The following FHIT variants were observed in gnomAD, a reference collection of about 807,000 sequenced individuals.
FHIT encodes bis(5'-adenosyl)-triphosphatase.
In FHIT, 19 loss-of-function variants were observed where a neutral mutation model predicts 17.9. That is an observed-to-expected ratio of 1.06 (90% CI 0.74 to 1.56). The LOEUF is 1.56. Ranked by LOEUF, FHIT falls within the 40% of genes most tolerant of loss-of-function variation. The pLI, the probability that FHIT is intolerant of heterozygous loss-of-function variation, is 0.00. For synonymous variants in FHIT, 81 were observed against 69.7 expected (o/e 1.16, Z -0.81); for missense variants, 248 against 189.2 (o/e 1.31, Z -1.82).
chr3:61,138,032 T>G (rs1190567161), intron 2 of FHIT, among the ~76,000 whole-genome samples: 1 of 152,216 alleles, frequency 6.6e-6, no homozygotes, highest in Non-Finnish European at 1.5e-5. Context: ...TATATGACCT[T>G]GGATAAATTA....
At position 59,978,560 on chromosome 3, in the gene FHIT, A is replaced by C. The variant is rs564453550; in HGVS notation, c.279+32811T>G. On this transcript the variant is annotated intron_variant, in intron 7 of 9. Transcript: ENST00000492590. ...AGTGGCCATCTCTTTACCTCTCAGC[A>C]TTTCTACTCTGTTATCTGAAACAAC... Among the ~76,000 whole-genome samples, 3 of 151,782 alleles carry C rather than the reference A, an allele frequency of 2.0e-5. No homozygotes were observed. The East Asian group carries it at 6.0e-4, about 30-fold the overall frequency.
chr3:60,759,068 G>C (rs1553719043), intron 4 of FHIT, among the ~76,000 whole-genome samples: 1 of 152,126 alleles, frequency 6.6e-6, no homozygotes, highest in African/African-American at 2.4e-5. Context: ...TAGAAGGCCA[G>C]TGCCACTGTA....
chr3:60,103,819 A>G (rs1704292930), intron 5 of FHIT, among the ~76,000 whole-genome samples: 1 of 152,196 alleles, frequency 6.6e-6, no homozygotes. Context: ...CTTCAGGAAT[A>G]TGTTTTCCTT....
At chr3:60,352,554 T>C (rs906360696) in intron 5 of FHIT, among the ~76,000 whole-genome samples, 6 of 152,164 alleles carry the variant, frequency 3.9e-5, no homozygotes, top group African/African-American at 1.4e-4. Flanking sequence ...CAGGCTAAAG[T>C]ACAGTGGTGC....
intron 5 of FHIT, among the ~76,000 whole-genome samples, chr3:60,163,040 G>T (rs903378310): frequency 6.6e-6 from 1 of 152,148 alleles, no homozygotes; most frequent in African/African-American, 2.4e-5. Flanking sequence ...CAGAGCTCTT[G>T]GTTTTGGATA....
intron 5 of FHIT, among the ~76,000 whole-genome samples, chr3:60,084,022 C>T (rs76199501): frequency 0.13 from 17,582 of 139,328 alleles, 1,194 homozygotes; most frequent in Middle Eastern, 0.32. Flanking sequence ...ATGACCACCA[C>T]ATATTAAGTG....
chr3:59,844,344 T>C (rs1287804656), intron 8 of FHIT, among the ~76,000 whole-genome samples: 3 of 152,172 alleles, frequency 2.0e-5, no homozygotes, highest in Admixed American at 2.0e-4. Context: ...ATACAAGTGG[T>C]GAAAATGGGC....
chr3:60,223,482 CTTTTATTTACTTA>C (rs67083113), intron 5 of FHIT, among the ~76,000 whole-genome samples: 23,110 of 151,914 alleles, frequency 0.15, 1,811 homozygotes, highest in Non-Finnish European at 0.17. Context: ...AATCCGAGAG[CTTTTATTTACTTA>C]TTTTATTTAC....
chr3:60,860,470 G>GTA (rs1407344453), intron 3 of FHIT, among the ~76,000 whole-genome samples: 1 of 86,578 alleles, frequency 1.2e-5, no homozygotes, highest in Non-Finnish European at 2.5e-5. Context: ...ACATATATAT[G>GTA]TATATATGAT....
At chr3:60,502,546 A>T (rs2034564998) in intron 5 of FHIT, among the ~76,000 whole-genome samples, 1 of 152,222 alleles carries the variant, frequency 6.6e-6, no homozygotes, top group East Asian at 1.9e-4. Context: ...TAGAGGACAG[A>T]GTGTCAGCAA....
rs79399379 is a variant in FHIT, at chr3:60,040,678, T to A, written c.104-26526A>T. Among the ~76,000 whole-genome samples the A allele has an allele frequency of 8.1e-3, 1,231 of 152,100 alleles. 13 individuals are homozygous for A. Among genetic ancestry groups the A allele is most frequent in the African/African-American group, 0.028 (1,171 of 41,458 alleles). On this transcript the variant is annotated intron_variant, in intron 5 of 9. Coordinates refer to ENST00000492590, the MANE Select transcript of FHIT (RefSeq NM_002012.4). ...GAGGCTAAGCCTGTATCATAAAGAT[T>A]TAGGACTAGGGGAGAGGAAGCGAAC...
chr3:59,959,753 GC>G (rs1165512308), intron 7 of FHIT, among the ~76,000 whole-genome samples: 7 of 152,282 alleles, frequency 4.6e-5, no homozygotes, highest in Middle Eastern at 3.4e-3. Context: ...ACATTACTGT[GC>G]AATCACAAAT....
intron 1 of FHIT, among the ~76,000 whole-genome samples, chr3:61,205,414 T>C (rs966395411): frequency 6.6e-6 from 1 of 152,194 alleles, no homozygotes; most frequent in South Asian, 2.1e-4. Flanking sequence ...TCCACAATGG[T>C]TGAACTAGTT....
At chr3:59,933,974 G>C (rs1364954736) in intron 7 of FHIT, among the ~76,000 whole-genome samples, 1 of 152,016 alleles carries the variant, frequency 6.6e-6, no homozygotes, top group Non-Finnish European at 1.5e-5. Flanking sequence ...CTCTGGGAGG[G>C]AAAAGAAATA....
chr3:60,363,351 G>A (rs766295129), intron 5 of FHIT, among the ~76,000 whole-genome samples: 3 of 152,018 alleles, frequency 2.0e-5, no homozygotes, highest in Non-Finnish European at 2.9e-5. Context: ...GTAGCAACAC[G>A]GAAAACTGCT....
chr3:60,766,229 T>C (rs1299792973), intron 4 of FHIT, among the ~76,000 whole-genome samples: 1 of 152,220 alleles, frequency 6.6e-6, no homozygotes, highest in Non-Finnish European at 1.5e-5. Flanking sequence ...AGATGTCTAT[T>C]CTTAATGCAT....
chr3:60,148,221 A>AT lies in FHIT; in HGVS notation c.104-134070dup, dbSNP rs1438065188. ...GGCAGTTATTTCCTCAGTGTTATAC[A>AT]TTACACATATCAATAAACCCTAGAG... On this transcript the variant is annotated intron_variant, in intron 5 of 9. Transcript: ENST00000492590. 1.3e-4 allele frequency among the ~76,000 whole-genome samples: 20 copies of AT among 152,338 alleles called. No homozygotes were observed. The South Asian group carries it at 1.9e-3, about 14-fold the overall frequency.
chr3:60,585,765 C>A (rs373213229), intron 4 of FHIT, among the ~76,000 whole-genome samples: 1 of 151,990 alleles, frequency 6.6e-6, no homozygotes, highest in African/African-American at 2.4e-5. Flanking sequence ...ACCTAGGACC[C>A]TTTCATTGTC....
rs188882595 is a variant in FHIT at position 60,101,011 on chromosome 3, C to G, written c.104-86859G>C. 1.6e-3 allele frequency among the ~76,000 whole-genome samples: 249 copies of G among 152,290 alleles called. 1 individual carries two copies. Among genetic ancestry groups the G allele is most frequent in the African/African-American group, 5.7e-3 (236 of 41,550 alleles). On this transcript the variant is annotated intron_variant, in intron 5 of 9. Coordinates refer to ENST00000492590, the MANE Select transcript of FHIT (RefSeq NM_002012.4). The stretch of plus-strand genomic sequence containing the variant: ...GTTGACTCTATTTCTGAAATAGAGT[C>G]TGAATATGTACACTTCTTTCTGTCT...
Sources: gnomAD v4.1 joint callset for allele counts (sites outside exome capture counted in the v4.1 genomes callset) on GRCh38, gnomAD v4.1.1 for gene constraint, MANE v1.5 for transcripts, NCBI Gene and HGNC (gene_info 2026-07-23, HGNC 2026-07-21) for gene names.